The following FAT1 variants were observed in gnomAD, a reference collection of about 807,000 sequenced individuals.
FAT1 encodes the protein FAT atypical cadherin 1.
FAT1 carries 171 observed loss-of-function variants against 329.8 expected under a neutral mutation model. That is an observed-to-expected ratio of 0.52 (90% CI 0.46 to 0.59). The LOEUF (loss-of-function observed/expected upper bound fraction) is 0.59. Ranked by LOEUF, FAT1 falls within the 20% of genes least tolerant of loss-of-function variation. The probability of loss-of-function intolerance (pLI) is 0.00; values close to 1 mark genes in which losing one functional copy is unlikely to be tolerated. For missense variants in FAT1, 5,672 were observed against 5,774.4 expected (o/e 0.98, Z 0.57); for synonymous variants, 2,233 against 2,228.6 (o/e 1.00, Z -0.06).
intron 3 of FAT1, among the ~76,000 whole-genome samples, chr4:186,643,552 G>C (rs2126579409): frequency 6.6e-6 from 1 of 152,248 alleles, no homozygotes; most frequent in Non-Finnish European, 1.5e-5. Context: ...AGGGCTTCCT[G>C]TGGGATTTTC....
Position 186,708,065 on chromosome 4 carries a change from A to C in FAT1, c.1763T>G (p.Ile588Arg), listed in dbSNP as rs575453075. The change falls in exon 2 of 27, where the codon ATA (isoleucine) becomes AGA (arginine). Residue 588 changes from isoleucine (I) to arginine (R), a missense_variant. This residue lies in a region of FAT1 where 3,966 missense variants were observed against 3,915.2 expected (regional missense o/e 1.01). Coordinates refer to ENST00000441802, the MANE Select transcript of FAT1 (RefSeq NM_005245.4). ...TGCATCAATAGCAGAAACAGTGGTT[A>C]TTTGCTCTCCCACGCCTAGATCTCT... ...IPRDLGVGEQ[I>R]TTVSAIDADE... 6.2e-7 allele frequency: 1 copy of C among 1,613,968 alleles called. No homozygotes were observed. The highest frequency in any genetic ancestry group is 8.5e-7 in the Non-Finnish European group (1 of 1,179,876).
chr4:186,704,022 T>C (rs76667336), intron 2 of FAT1, among the ~76,000 whole-genome samples: 1 of 152,246 alleles, frequency 6.6e-6, no homozygotes, highest in South Asian at 2.1e-4. Flanking sequence ...TATCTTGTAA[T>C]GAATACGAGG....
rs2126476533 is a variant in FAT1, at chr4:186,613,343, C to A, written c.9230-1G>T. The A allele has an allele frequency of 6.2e-7, 1 of 1,612,188 alleles. No homozygotes were observed. The highest frequency in any genetic ancestry group is 8.5e-7 in the Non-Finnish European group (1 of 1,178,254). On this transcript the variant is annotated splice_acceptor_variant, in intron 12 of 26. Coordinates refer to ENST00000441802, the MANE Select transcript of FAT1 (RefSeq NM_005245.4). LOFTEE classifies it high-confidence loss of function. ...AGGGGGGTTGACGTTTTCAGTTCAC[C>A]TACAAACAAAAACAAATGGACTCAC...
chr4:186,683,240 C>A (rs1240553962), intron 2 of FAT1, among the ~76,000 whole-genome samples: 1 of 152,226 alleles, frequency 6.6e-6, no homozygotes. Context: ...TTTTCCTCCA[C>A]AGCACCGCTC....
chr4:186,627,883 T>C (rs1740390538), intron 9 of FAT1, among the ~76,000 whole-genome samples: 1 of 152,124 alleles, frequency 6.6e-6, no homozygotes. Flanking sequence ...ATTGGTCAAA[T>C]AAAGTTTCCT....
At position 186,597,042 on chromosome 4, in the gene FAT1, C is replaced by A; in HGVS notation, c.12498G>T (p.Ala4166=). ...EYRGRHCEDA[A]PNQYVSTPWN... ...ACGGCGTGGACACATACTGGTTGGG[C>A]GCAGCATCCTCGCAGTGACGTCCCC... The change falls in exon 25 of 27, where the codon GCG becomes GCT. Residue 4166 remains alanine (A), a synonymous_variant. Coordinates refer to ENST00000441802, the MANE Select transcript of FAT1 (RefSeq NM_005245.4). The A allele has an allele frequency of 6.2e-7, 1 of 1,613,952 alleles. No individual in the cohort carries two copies. Among genetic ancestry groups the A allele is most frequent in the Non-Finnish European group, 8.5e-7 (1 of 1,179,896 alleles).
intron 9 of FAT1, among the ~76,000 whole-genome samples, chr4:186,624,969 T>C (rs1740228740): frequency 6.6e-6 from 1 of 152,216 alleles, no homozygotes; most frequent in African/African-American, 2.4e-5. Flanking sequence ...AAAAATAGCA[T>C]CTTAAAAGTC....
intron 4 of FAT1, among the ~76,000 whole-genome samples, 190 bp downstream of exon 4, chr4:186,639,532 G>T (rs1740998372): frequency 6.6e-6 from 1 of 152,092 alleles, no homozygotes; most frequent in African/African-American, 2.4e-5. Flanking sequence ...TGGTATTGAG[G>T]GATAAAGGGG....
intron 3 of FAT1, among the ~76,000 whole-genome samples, chr4:186,648,453 T>C (rs1741482505): frequency 6.6e-6 from 1 of 152,164 alleles, no homozygotes; most frequent in Non-Finnish European, 1.5e-5. Context: ...TGAAGTGGCA[T>C]ATCCTATATG....
At chr4:186,594,986 G>A (rs947079748) in intron 26 of FAT1, among the ~76,000 whole-genome samples, 1 of 151,962 alleles carries the variant, frequency 6.6e-6, no homozygotes, top group Non-Finnish European at 1.5e-5. Flanking sequence ...ACTACATTGT[G>A]TTACTGAATA....
upstream of FAT1, among the ~76,000 whole-genome samples, chr4:186,724,740 C>T (rs957730329): frequency 1.1e-4 from 17 of 152,344 alleles, no homozygotes; most frequent in African/African-American, 4.1e-4. This position sits in a 1 kb window ranked among gnomAD's most constrained non-coding sequence, Gnocchi z 5.3. Flanking sequence ...GCAGGGCGGA[C>T]TCGGCCGAAG....
At chr4:186,700,645 C>T (rs555392463) in intron 2 of FAT1, among the ~76,000 whole-genome samples, 5 of 152,244 alleles carry the variant, frequency 3.3e-5, no homozygotes, top group South Asian at 4.1e-4. Flanking sequence ...TCGCAGCATC[C>T]GTAGATCATT....
intron 11 of FAT1, among the ~76,000 whole-genome samples, chr4:186,616,402 C>T (rs1049160055): frequency 4.6e-5 from 7 of 152,124 alleles, no homozygotes; most frequent in African/African-American, 1.7e-4. Flanking sequence ...CCCCTCCCCA[C>T]CCACTCCTGA....
In FAT1 at chr4:186,706,790, G is replaced by A. The variant is rs1367571085; in HGVS notation, c.3038C>T (p.Ser1013Phe). 2 of 1,614,002 alleles carry A rather than the reference G, an allele frequency of 1.2e-6. No individual in the cohort carries two copies. Among genetic ancestry groups the A allele is most frequent in the Admixed American group, 3.3e-5 (2 of 60,018 alleles). Residue 1013 changes from serine to phenylalanine, a missense_variant, in exon 2 of 27, where the codon TCT (serine) becomes TTT (phenylalanine). Transcript: ENST00000441802. ...CTCAACTTCAACATAGCAAGTAGAAGACAGAGAAACTGGCTTTCCCTTGTC... is the reference window on the plus strand; with the variant it reads ...CTCAACTTCAACATAGCAAGTAGAAAACAGAGAAACTGGCTTTCCCTTGTC... ...AKDKGKPVSL[S>F]STCYVEVEVV...
chr4:186,682,168 T>C (rs966652151), intron 2 of FAT1, among the ~76,000 whole-genome samples: 5 of 152,170 alleles, frequency 3.3e-5, no homozygotes, highest in African/African-American at 1.2e-4. Context: ...GATTCAGGAC[T>C]AGGAATCAGG....
At chr4:186,632,496 T>G (rs1740644726) in intron 7 of FAT1, among the ~76,000 whole-genome samples, 1 of 152,160 alleles carries the variant, frequency 6.6e-6, no homozygotes, top group Admixed American at 6.5e-5. Context: ...AGAGAGAAAA[T>G]CAATAGATTT....
At chr4:186,645,864 T>C (rs548753909) in intron 3 of FAT1, among the ~76,000 whole-genome samples, 2 of 150,414 alleles carry the variant, frequency 1.3e-5, no homozygotes, top group African/African-American at 2.4e-5. Flanking sequence ...GAGACTCACT[T>C]GGACCTGGGA....
At chr4:186,676,874 A>C (rs1366750200) in intron 2 of FAT1, among the ~76,000 whole-genome samples, 1 of 152,226 alleles carries the variant, frequency 6.6e-6, no homozygotes, top group East Asian at 1.9e-4. Context: ...TATTGCTCTC[A>C]AAATAAACCC....
chr4:186,655,836 C>T (rs1741876086), intron 3 of FAT1, among the ~76,000 whole-genome samples: 1 of 152,176 alleles, frequency 6.6e-6, no homozygotes, highest in Non-Finnish European at 1.5e-5. Context: ...AGGAAAAAAC[C>T]AACATATTCT....
Sources: gnomAD v4.1 joint callset for allele counts (sites outside exome capture counted in the v4.1 genomes callset) on GRCh38, gnomAD v4.1.1 for gene constraint, gnomAD v4.1.1 regional missense constraint, Gnocchi (gnomAD v3.1) non-coding constraint, MANE v1.5 for transcripts, NCBI Gene and HGNC (gene_info 2026-07-23, HGNC 2026-07-21) for gene names.